Variants in DOCK10 observed in about 807,000 individuals in gnomAD.
DOCK10 encodes the protein dedicator of cytokinesis protein 10.
A neutral mutation model predicts 280.1 loss-of-function variants in DOCK10; 145 were observed. The observed-to-expected ratio is 0.52, with a 90% CI of 0.45 to 0.59. The LOEUF (loss-of-function observed/expected upper bound fraction) is 0.59, where lower values mean the gene tolerates loss of function less well. Ranked by LOEUF, DOCK10 falls within the 20% of genes least tolerant of loss-of-function variation. DOCK10 has a pLI of 0.00. For missense variants in DOCK10, 2,368 were observed against 2,651.7 expected (o/e 0.89, Z 2.35); for synonymous variants, 915 against 942.2 (o/e 0.97, Z 0.53).
chr2:224,991,771 A>T (rs79050789), intron 1 of DOCK10, among the ~76,000 whole-genome samples: 5,924 of 151,388 alleles, frequency 0.039, 120 homozygotes, highest in Middle Eastern at 0.071. Flanking sequence ...TGGAAAACAT[A>T]AAAAAAATCA....
chr2:224,960,771 G>A (rs1194670669), intron 1 of DOCK10, among the ~76,000 whole-genome samples: 4 of 109,328 alleles, frequency 3.7e-5, no homozygotes, highest in Admixed American at 1.5e-4. Flanking sequence ...ATGGAGTTTC[G>A]CTCTGTCGCC....
chr2:224,960,173 C>A (rs1349685744), intron 1 of DOCK10, among the ~76,000 whole-genome samples: 2 of 152,140 alleles, frequency 1.3e-5, no homozygotes, highest in African/African-American at 4.8e-5. Flanking sequence ...CATTTATTAT[C>A]ATTATTATAA....
At chr2:224,886,375 C>T (rs1376556272) in intron 5 of DOCK10, 84 bp downstream of exon 5, 17 of 1,482,212 alleles carry the variant, frequency 1.1e-5, no homozygotes, top group Admixed American at 1.8e-5. Flanking sequence ...TACAACAAAC[C>T]GGTCAGAACT....
intron 1 of DOCK10, among the ~76,000 whole-genome samples, chr2:224,972,814 C>T (rs1406903582): frequency 6.6e-6 from 1 of 152,104 alleles, no homozygotes; most frequent in Admixed American, 6.6e-5. Flanking sequence ...CTGCAACATT[C>T]CTTTAATAAA....
intron 47 of DOCK10, among the ~76,000 whole-genome samples, chr2:224,790,684 G>T (rs1358683839): frequency 6.6e-6 from 1 of 151,974 alleles, no homozygotes; most frequent in Non-Finnish European, 1.5e-5. Context: ...AATTGTAGGA[G>T]AAGTCACAAC....
Position 224,770,270 on chromosome 2 carries a change from C to T in DOCK10, c.6385G>A (p.Glu2129Lys), listed in dbSNP as rs1227883486. The T allele has an allele frequency of 6.2e-7, 1 of 1,605,060 alleles. No homozygotes were observed. The highest frequency in any genetic ancestry group is 8.5e-7 in the Non-Finnish European group (1 of 1,175,818). ...ATGTCCTTGTAGTGGGACCTCAGTT[C>T]TTCCTGGTACTCCAGCTGGTCCTCT... ...IKEDQLEYQE[E>K]LRSHYKDMLS... Residue 2129 changes from glutamate to lysine, a missense_variant, in exon 55 of 56, where the codon GAA becomes AAA. Physicochemically the swap from Glu to Lys is moderately conservative, Grantham distance 56. Around this residue, in one of 2 missense-constraint regions of DOCK10, gnomAD observed 1,159 missense variants for 1,400.8 expected, o/e 0.83. Coordinates refer to ENST00000258390, the MANE Select transcript of DOCK10 (RefSeq NM_014689.3). This position sits in a 1 kb window ranked among gnomAD's most constrained non-coding sequence, Gnocchi z 4.5.
At chr2:224,806,592 A>G (rs904667463) in intron 33 of DOCK10, among the ~76,000 whole-genome samples, 1 of 151,986 alleles carries the variant, frequency 6.6e-6, no homozygotes, top group African/African-American at 2.4e-5. Flanking sequence ...ACTACATTTT[A>G]TTTTATTTTA....
At position 224,765,519 on chromosome 2, in the gene DOCK10, G is replaced by T. The variant is rs930370471; in HGVS notation, c.*202C>A. On this transcript the variant is annotated 3_prime_UTR_variant, in exon 56 of 56. Coordinates refer to ENST00000258390, the MANE Select transcript of DOCK10 (RefSeq NM_014689.3). ...AATTTCATGGCAAATATTCAACCTG[G>T]CTTGATCAACACTGCTCAAAGAAAA... 4.2e-6 allele frequency: 2 copies of T among 472,782 alleles called. No individual in the cohort carries two copies. Among genetic ancestry groups the T allele is most frequent in the Non-Finnish European group, 7.5e-6 (2 of 265,768 alleles). 29.3% of individuals were successfully genotyped at this position (472,782 alleles called of 1,614,324 possible). A position where few individuals can be genotyped will look rare whatever the true frequency, so the allele number is the denominator to read the frequency against.
At chr2:225,031,982 C>T (rs901896730) in intron 1 of DOCK10, among the ~76,000 whole-genome samples, 4 of 152,130 alleles carry the variant, frequency 2.6e-5, no homozygotes, top group Admixed American at 6.5e-5. Context: ...TAAATAACCA[C>T]GTTTTATGCT....
At chr2:225,000,864 T>C (rs1706412685) in intron 1 of DOCK10, among the ~76,000 whole-genome samples, 1 of 152,174 alleles carries the variant, frequency 6.6e-6, no homozygotes, top group Non-Finnish European at 1.5e-5. Flanking sequence ...TAATCCCAGC[T>C]ACTCGGGAGG....
chr2:224,766,064 C>A lies in DOCK10; in HGVS notation c.6445-227G>T, dbSNP rs771953864. Among the ~76,000 whole-genome samples the A allele has an allele frequency of 2.4e-4, 36 of 152,136 alleles. 1 individual carries two copies. Among genetic ancestry groups the A allele is most frequent in the Non-Finnish European group, 2.9e-5 (2 of 68,032 alleles). On this transcript the variant is annotated intron_variant, in intron 55 of 55. Transcript: ENST00000258390. ...TATTTTCACAATCCTCTTCTGCTAT[C>A]TGACATAAATTTATAAATGTTTGGA...
intron 1 of DOCK10, among the ~76,000 whole-genome samples, chr2:224,984,047 C>CT (rs1201877426): frequency 6.6e-6 from 1 of 152,148 alleles, no homozygotes; most frequent in Admixed American, 6.6e-5. Flanking sequence ...GTGAATGTGT[C>CT]TTTTCAAATA....
At chr2:224,844,958 G>A (rs556035431) in intron 21 of DOCK10, 119 bp from the exon 22 acceptor site, 10 of 850,898 alleles carry the variant, frequency 1.2e-5, no homozygotes, top group South Asian at 6.6e-5. Context: ...AGCTACAGGT[G>A]GAAAATAAAA....
In DOCK10 at chr2:224,805,323, G is replaced by T. The variant is rs761060670; in HGVS notation, c.3937-3C>A. ...ATCAAAGACAAGGGTCTTGGGATCT[G>T]GGAATTCAAGAACCAATCAGGATTG... is the stretch of plus-strand genomic sequence containing the variant. On this transcript the variant is annotated splice_polypyrimidine_tract_variant and splice_region_variant and intron_variant, in intron 35 of 55. Coordinates refer to ENST00000258390, the MANE Select transcript of DOCK10 (RefSeq NM_014689.3). This position sits in a 1 kb window ranked among gnomAD's most constrained non-coding sequence, Gnocchi z 4.3. 36 of 1,612,568 alleles carry T rather than the reference G, an allele frequency of 2.2e-5. No individual in the cohort carries two copies. The East Asian group carries it at 7.4e-4, about 33-fold the overall frequency.
chr2:225,011,749 A>G (rs1242157159), intron 1 of DOCK10, among the ~76,000 whole-genome samples: 1 of 152,240 alleles, frequency 6.6e-6, no homozygotes, highest in African/African-American at 2.4e-5. Flanking sequence ...GGCCACGTCA[A>G]TATGCAAATT....
At chr2:225,035,542 T>TTTTATATATATA (rs1553634838) in intron 1 of DOCK10, among the ~76,000 whole-genome samples, 1 of 50,030 alleles carries the variant, frequency 2.0e-5, no homozygotes, top group Admixed American at 2.7e-4. Flanking sequence ...ATGATATATA[T>TTTTATATATATA]TATATATATA....
intron 1 of DOCK10, chr2:224,946,998 C>T (rs750440186): frequency 3.5e-5 from 53 of 1,511,338 alleles, no homozygotes; most frequent in South Asian, 2.6e-5. Context: ...ATATCAATGT[C>T]GTTAAACTCT....
intron 3 of DOCK10, among the ~76,000 whole-genome samples, chr2:224,914,251 T>C (rs1408056417): frequency 6.6e-6 from 1 of 152,214 alleles, no homozygotes; most frequent in African/African-American, 2.4e-5. Flanking sequence ...GTATTTTTTG[T>C]TTCACTGGTT....
intron 39 of DOCK10, 65 bp from the exon 40 acceptor site, chr2:224,802,105 T>A: frequency 6.5e-7 from 1 of 1,528,264 alleles, no homozygotes; most frequent in South Asian, 1.2e-5. Flanking sequence ...TAACACTTGT[T>A]CATTCTCAAA....
Sources: gnomAD v4.1 joint callset for allele counts (sites outside exome capture counted in the v4.1 genomes callset) on GRCh38, gnomAD v4.1.1 for gene constraint, gnomAD v4.1.1 regional missense constraint, Gnocchi (gnomAD v3.1) non-coding constraint, MANE v1.5 for transcripts, NCBI Gene and HGNC (gene_info 2026-07-23, HGNC 2026-07-21) for gene names.